MASTL: variants seen among roughly 807,000 people sequenced by gnomAD.
MASTL encodes the protein serine/threonine-protein kinase greatwall.
MASTL carries 54 observed loss-of-function variants against 82.5 expected under a neutral mutation model. The ratio of observed to expected loss-of-function variants is 0.65; its 90% confidence interval spans 0.53 to 0.82. The LOEUF is 0.82. MASTL is among the 40% of genes least tolerant of loss of function. The pLI is 0.00. For missense variants in MASTL, 950 were observed against 1,047.8 expected, an observed-to-expected ratio of 0.91 and a Z score of 1.29; for synonymous variants, 323 against 368.9, an observed-to-expected ratio of 0.88 and a Z score of 1.43.
chr10:27,158,468 C>A, intron 1 of MASTL, 81 bp from the exon 2 acceptor site: 1 of 1,142,728 alleles, frequency 8.8e-7, no homozygotes, highest in Non-Finnish European at 1.3e-6. Context: ...GATCATGCCA[C>A]TGCACTCAGC....
intron 1 of MASTL, among the ~76,000 whole-genome samples, chr10:27,157,853 A>G (rs1290856040): frequency 6.6e-6 from 1 of 151,688 alleles, no homozygotes; most frequent in East Asian, 1.9e-4. Context: ...ATCCCCATCT[A>G]TCAAAAAATC....
At position 27,170,183 on chromosome 10, in the gene MASTL, T is replaced by C; in HGVS notation, c.1224T>C (p.Asn408=). Residue 408 remains asparagine, a synonymous_variant, in exon 8 of 12, where the codon AAT becomes AAC. Transcript: ENST00000375940. ...SWEAVELDVN[N]INMDTDTSQL... ...AAGCAGTAGAACTGGATGTAAATAA[T>C]ATAAATATGGACACTGACACAAGTC... 1 of 1,614,162 alleles carries C rather than the reference T, an allele frequency of 6.2e-7. No individual in the cohort carries two copies. Among genetic ancestry groups the C allele is most frequent in the Middle Eastern group, 1.6e-4 (1 of 6,062 alleles).
At chr10:27,162,810 A>G (rs946828985) in intron 4 of MASTL, among the ~76,000 whole-genome samples, 7 of 152,090 alleles carry the variant, frequency 4.6e-5, no homozygotes, top group Non-Finnish European at 7.4e-5. Flanking sequence ...CAGATCTACA[A>G]TTCTTCATGT....
At position 27,187,151 on chromosome 10, in the gene MASTL, T is replaced by C. The variant is rs2058813053; in HGVS notation, c.*615T>C. ...CCCATCTCTACTGTAAATACACAAA[T>C]TAGCCGGGCATGTTGGTGGGCGCCT... On this transcript the variant is annotated 3_prime_UTR_variant, in exon 12 of 12. Transcript: ENST00000375940. Among the ~76,000 whole-genome samples the C allele has an allele frequency of 6.6e-6, 1 of 152,082 alleles. No individual in the cohort carries two copies. Among genetic ancestry groups the C allele is most frequent in the South Asian group, 2.1e-4 (1 of 4,818 alleles).
At chr10:27,166,984 CTTAATA>C (rs2057761345) in intron 6 of MASTL, 112 bp from the exon 7 acceptor site, 12 of 122,650 alleles carry the variant, frequency 9.8e-5, no homozygotes, top group Non-Finnish European at 2.1e-4. Flanking sequence ...ATATGTAATT[CTTAATA>C]CATATTAATA....
At chr10:27,154,487 A>T (rs773406770), upstream of MASTL, 2 of 551,220 alleles carry the variant, frequency 3.6e-6, no homozygotes, top group Non-Finnish European at 6.5e-6. Context: ...GAAGTAGTTG[A>T]CATTTACAAG....
intron 1 of MASTL, among the ~76,000 whole-genome samples, chr10:27,155,838 T>C (rs1050814385): frequency 3.9e-5 from 6 of 152,090 alleles, no homozygotes; most frequent in Non-Finnish European, 7.4e-5. Flanking sequence ...AGATGCCCAG[T>C]GAGAACAGCA....
At chr10:27,175,402 G>A (rs35149458) in intron 9 of MASTL, among the ~76,000 whole-genome samples, 12,792 of 151,942 alleles carry the variant, frequency 0.084, 737 homozygotes, top group East Asian at 0.29. Context: ...GGCTGGTCTC[G>A]AACTCCCGAC....
At position 27,180,960 on chromosome 10, in the gene MASTL, G is replaced by T. The variant is rs778018537; in HGVS notation, c.2274G>T (p.Ala758=). ...ELLLGRAHGP[A]VDWWALGVCL... ...TTTCCTCTTCGATTACAGGTCCTGC[G>T]GTAGACTGGTGGGCACTTGGAGTTT... The change falls in exon 10 of 12, where the codon GCG becomes GCT. Residue 758 remains alanine, a synonymous_variant. Coordinates refer to ENST00000375940, the MANE Select transcript of MASTL (RefSeq NM_001172303.3). 1.9e-6 allele frequency: 3 copies of T among 1,607,122 alleles called. No individual in the cohort carries two copies. Among genetic ancestry groups the T allele is most frequent in the Non-Finnish European group, 2.6e-6 (3 of 1,173,694 alleles).
intron 8 of MASTL, among the ~76,000 whole-genome samples, chr10:27,171,523 C>T (rs2057936523): frequency 6.6e-6 from 1 of 151,410 alleles, no homozygotes; most frequent in South Asian, 2.1e-4. Flanking sequence ...CACTTCACCC[C>T]CAGGTTCAAG....
rs1267229409 is a variant in MASTL at position 27,159,674 on chromosome 10, A to T, written c.380A>T (p.Tyr127Phe). 1 of 1,583,856 alleles carries T rather than the reference A, an allele frequency of 6.3e-7. No homozygotes were observed. Among genetic ancestry groups the T allele is most frequent in the South Asian group, 1.1e-5 (1 of 90,436 alleles). The change falls in exon 3 of 12, where the codon TAT becomes TTT. Residue 127 changes from tyrosine to phenylalanine, a missense_variant. By Grantham distance (22) the Tyr-to-Phe change is conservative. Transcript: ENST00000375940. This position sits in a 1 kb window ranked among gnomAD's most constrained non-coding sequence, Gnocchi z 4.0. ...DVKSLLHIYG[Y>F]FDEEMAVKYI... is the part of the protein sequence containing the mutation. Reference sequence around the variant, plus strand: ...AAGTCTCTCCTACATATATATGGTTATTTTGATGAAGAGATGGCTGTGAAA... The same window carrying T: ...AAGTCTCTCCTACATATATATGGTTTTTTTGATGAAGAGATGGCTGTGAAA...
At chr10:27,155,138 G>A (rs2057306979), upstream of MASTL, 1 of 423,726 alleles carries the variant, frequency 2.4e-6, no homozygotes, top group East Asian at 4.5e-5. Context: ...AGTCCCAGTC[G>A]TCCTTTTTCT....
At chr10:27,177,785 G>C (rs1311697273) in intron 9 of MASTL, 3 of 957,678 alleles carry the variant, frequency 3.1e-6, no homozygotes, top group Non-Finnish European at 3.7e-6. Context: ...CCTAACTACT[G>C]TTTTCTTACA....
intron 4 of MASTL, among the ~76,000 whole-genome samples, chr10:27,162,715 G>C (rs1447369703): frequency 6.6e-6 from 1 of 151,964 alleles, no homozygotes; most frequent in Non-Finnish European, 1.5e-5. Context: ...AGTGTAGACG[G>C]ATGGGAAAGT....
At chr10:27,161,380 C>T (rs866778308) in intron 4 of MASTL, among the ~76,000 whole-genome samples, 198 bp downstream of exon 4, 15 of 151,712 alleles carry the variant, frequency 9.9e-5, no homozygotes, top group Non-Finnish European at 8.8e-5. Context: ...TGGTGGCATG[C>T]GCCTGTAATC....
chr10:27,158,631 G>A lies in MASTL; in HGVS notation c.269G>A (p.Ser90Asn), dbSNP rs1588646717. Residue 90 changes from serine (S) to asparagine (N), a missense_variant, in exon 2 of 12, where the codon AGC (serine) becomes AAC (asparagine). Physicochemically the swap from Ser to Asn is conservative, Grantham distance 46. Transcript: ENST00000375940. ...AERDALALSK[S>N]PFIVHLYYSL... ...AGAGATGCACTGGCACTAAGCAAAA[G>A]CCCATTCATTGTCCATTTGTATTAT... is the stretch of plus-strand genomic sequence containing the variant. 6.2e-7 allele frequency: 1 copy of A among 1,613,932 alleles called. No homozygotes were observed. The highest frequency in any genetic ancestry group is 8.5e-7 in the Non-Finnish European group (1 of 1,179,814).
chr10:27,181,983 G>A (rs1170923607), intron 11 of MASTL, among the ~76,000 whole-genome samples: 2 of 151,550 alleles, frequency 1.3e-5, no homozygotes. Flanking sequence ...GCTGAGGCAG[G>A]AGAATGGCAT....
At position 27,170,998 on chromosome 10, in the gene MASTL, C is replaced by T; in HGVS notation, c.2039C>T (p.Ala680Val). The change falls in exon 8 of 12, where the codon GCA (alanine) becomes GTA (valine). Residue 680 changes from alanine to valine, a missense_variant. Transcript: ENST00000375940. ...PSRMNMTSLD[A>V]MDISCAYSGS... Reference sequence around the variant, plus strand: ...AGAATGAACATGACTTCTTTAGATGCAATGGATATTTCGTGTGCCTACAGT... The same window carrying T: ...AGAATGAACATGACTTCTTTAGATGTAATGGATATTTCGTGTGCCTACAGT... 6.2e-7 allele frequency: 1 copy of T among 1,614,008 alleles called. No individual in the cohort carries two copies. The highest frequency in any genetic ancestry group is 8.5e-7 in the Non-Finnish European group (1 of 1,179,896).
intron 4 of MASTL, among the ~76,000 whole-genome samples, chr10:27,163,919 C>T (rs773267446): frequency 2.8e-5 from 4 of 145,018 alleles, no homozygotes; most frequent in Non-Finnish European, 6.1e-5. Flanking sequence ...CGTGAACCAC[C>T]GCGCCCAGCC....
Sources: allele counts gnomAD v4.1 joint callset (sites outside exome capture counted in the v4.1 genomes callset), GRCh38; gene constraint gnomAD v4.1.1; non-coding constraint Gnocchi (gnomAD v3.1); transcripts MANE v1.5; gene names NCBI Gene and HGNC (gene_info 2026-07-23, HGNC 2026-07-21).